SND1: variants seen among roughly 807,000 people sequenced by gnomAD.
The protein encoded by SND1 is staphylococcal nuclease domain-containing protein 1.
SND1 carries 38 observed loss-of-function variants against 121.7 expected under a neutral mutation model. That is an observed-to-expected ratio of 0.31 (90% CI 0.24 to 0.41). SND1 has a LOEUF of 0.41. Among genes scored for constraint, SND1 ranks in the 10% least tolerant of loss-of-function variants. SND1 has a pLI of 1.00. For synonymous variants in SND1, 401 were observed against 447.4 expected, an observed-to-expected ratio of 0.90 and a Z score of 1.31; for missense variants, 868 against 1,184.6, an observed-to-expected ratio of 0.73 and a Z score of 3.92.
chr7:127,949,933 CCT>C (rs1246730498), intron 15 of SND1, among the ~76,000 whole-genome samples: 1 of 152,188 alleles, frequency 6.6e-6, no homozygotes, highest in East Asian at 1.9e-4. Flanking sequence ...CACTCCCTTC[CCT>C]CTCAGTTCTC....
chr7:127,711,974 C>T (rs183471121), intron 9 of SND1, among the ~76,000 whole-genome samples: 9 of 151,206 alleles, frequency 6.0e-5, no homozygotes, highest in East Asian at 5.8e-4. Context: ...ATTTTTACTG[C>T]GCACTCACTA....
chr7:127,759,099 T>TAGATAGATAGATAGGC (rs1268977068), intron 10 of SND1, among the ~76,000 whole-genome samples: 66 of 152,016 alleles, frequency 4.3e-4, no homozygotes, highest in African/African-American at 1.4e-3. Flanking sequence ...GATAGATAGA[T>TAGATAGATAGATAGGC]AGGCAGGCAG....
Position 128,029,869 on chromosome 7 carries a change from C to G in SND1, c.1779+38813C>G. 6.2e-7 allele frequency: 1 copy of G among 1,613,410 alleles called. No individual in the cohort carries two copies. Among genetic ancestry groups the G allele is most frequent in the Non-Finnish European group, 8.5e-7 (1 of 1,180,024 alleles). Reference sequence around the variant, plus strand: ...GCCAGCCCGTCAAAAGCATTCCGCTCAATCAGGCTGACCTGTGAGTTCATG... The same window carrying G: ...GCCAGCCCGTCAAAAGCATTCCGCTGAATCAGGCTGACCTGTGAGTTCATG... On this transcript the variant is annotated intron_variant, in intron 16 of 23. Coordinates refer to ENST00000354725, the MANE Select transcript of SND1 (RefSeq NM_014390.4). This position sits in a 1 kb window ranked among gnomAD's most constrained non-coding sequence, Gnocchi z 4.2.
At chr7:127,843,165 A>T (rs888662482) in intron 11 of SND1, among the ~76,000 whole-genome samples, 4 of 151,966 alleles carry the variant, frequency 2.6e-5, no homozygotes, top group Admixed American at 1.3e-4. Flanking sequence ...GATTTCCCAT[A>T]TACCTTCTGC....
chr7:127,964,205 G>A (rs1467780113), intron 15 of SND1, among the ~76,000 whole-genome samples: 1 of 151,378 alleles, frequency 6.6e-6, no homozygotes, highest in Non-Finnish European at 1.5e-5. Context: ...GTTATAGGTT[G>A]CCTGTTCACT....
chr7:127,830,064 G>A (rs1022235886), intron 11 of SND1, among the ~76,000 whole-genome samples: 2 of 152,170 alleles, frequency 1.3e-5, no homozygotes, highest in Non-Finnish European at 2.9e-5. Flanking sequence ...AAATCTGTAT[G>A]TTAATGCTGT....
chr7:127,663,553 A>G (rs1274345216), intron 1 of SND1, among the ~76,000 whole-genome samples: 2 of 151,542 alleles, frequency 1.3e-5, no homozygotes, highest in Admixed American at 6.6e-5. Flanking sequence ...TGTTTTTTGT[A>G]TTTTAGTAGA....
intron 15 of SND1, among the ~76,000 whole-genome samples, chr7:127,974,805 C>T (rs981488903): frequency 1.3e-5 from 2 of 152,206 alleles, no homozygotes; most frequent in Non-Finnish European, 2.9e-5. Context: ...ACCGCTCCCC[C>T]GCCCTTTTGC....
chr7:128,040,150 AGCCCAGGCT>A (rs139802577), intron 16 of SND1, among the ~76,000 whole-genome samples: 31,382 of 151,872 alleles, frequency 0.21, 3,658 homozygotes, highest in Middle Eastern at 0.28. Context: ...TCTGCCTGGG[AGCCCAGGCT>A]ACCTGGGTCC....
chr7:127,691,699 A>T (rs1013240618), intron 2 of SND1, among the ~76,000 whole-genome samples: 1 of 150,906 alleles, frequency 6.6e-6, no homozygotes, highest in Non-Finnish European at 1.5e-5. Context: ...TGCAACCTCC[A>T]CCTCACAGGT....
At chr7:127,841,200 C>T (rs1026840721) in intron 11 of SND1, among the ~76,000 whole-genome samples, 1 of 152,166 alleles carries the variant, frequency 6.6e-6, no homozygotes, top group Non-Finnish European at 1.5e-5. Flanking sequence ...TGCTGTCCCA[C>T]CCCTGTCTGC....
intron 10 of SND1, among the ~76,000 whole-genome samples, chr7:127,787,327 T>C (rs1306815153): frequency 6.6e-6 from 1 of 152,082 alleles, no homozygotes; most frequent in Non-Finnish European, 1.5e-5. Context: ...CTCAAATTGC[T>C]GGGCTCAAGC....
chr7:127,791,719 C>T (rs994659885), intron 10 of SND1, among the ~76,000 whole-genome samples: 1 of 152,146 alleles, frequency 6.6e-6, no homozygotes, highest in African/African-American at 2.4e-5. Flanking sequence ...AGAAACATTG[C>T]ATGATAAAAT....
intron 12 of SND1, among the ~76,000 whole-genome samples, chr7:127,884,601 G>T (rs191550143): frequency 6.6e-6 from 1 of 152,188 alleles, no homozygotes; most frequent in East Asian, 1.9e-4. Context: ...TAGCTCAGAT[G>T]TTCCCTATCT....
At chr7:127,858,828 G>T (rs1390189707) in intron 12 of SND1, among the ~76,000 whole-genome samples, 2 of 152,158 alleles carry the variant, frequency 1.3e-5, no homozygotes, top group Non-Finnish European at 2.9e-5. Context: ...ATTAGATTTG[G>T]TAGAAGAACG....
At chr7:127,655,681 T>C (rs1015511518) in intron 1 of SND1, among the ~76,000 whole-genome samples, 4 of 152,220 alleles carry the variant, frequency 2.6e-5, no homozygotes, top group Non-Finnish European at 4.4e-5. Context: ...TTGATACTCT[T>C]TAACTGCAAC....
rs202181902 is a variant in SND1, at chr7:128,029,549, A to G, written c.1779+38493A>G. The G allele has an allele frequency of 6.2e-7, 1 of 1,614,016 alleles. No individual in the cohort carries two copies. Among genetic ancestry groups the G allele is most frequent in the East Asian group, 2.2e-5 (1 of 44,870 alleles). On this transcript the variant is annotated intron_variant, in intron 16 of 23. Transcript: ENST00000354725. The surrounding 1 kb of genome is among the most constrained non-coding windows in gnomAD (Gnocchi z 4.2). ...TAAGTTCTGCCATCCGACCCTCAGAAATGTTGAGGTCTCGAGGTGCGTCCA... is the reference window on the plus strand; with the variant it reads ...TAAGTTCTGCCATCCGACCCTCAGAGATGTTGAGGTCTCGAGGTGCGTCCA...
intron 13 of SND1, among the ~76,000 whole-genome samples, chr7:127,895,140 T>C (rs559204275): frequency 3.7e-4 from 56 of 152,202 alleles, no homozygotes; most frequent in Admixed American, 2.3e-3. Context: ...TCTGTTCTTA[T>C]CTTCTCAACA....
intron 14 of SND1, 59 bp from the exon 15 acceptor site, chr7:127,929,129 A>G: frequency 6.3e-7 from 1 of 1,574,820 alleles, no homozygotes; most frequent in Non-Finnish European, 8.7e-7. Flanking sequence ...TAGACTATAA[A>G]GAAAGAAACG....
Sources: allele counts gnomAD v4.1 joint callset (sites outside exome capture counted in the v4.1 genomes callset), GRCh38; gene constraint gnomAD v4.1.1; non-coding constraint Gnocchi (gnomAD v3.1); transcripts MANE v1.5; gene names NCBI Gene and HGNC (gene_info 2026-07-23, HGNC 2026-07-21).